THSD7B: variants seen among roughly 807,000 people sequenced by gnomAD.
THSD7B encodes the protein thrombospondin type 1 domain containing 7B.
In THSD7B, 138 loss-of-function variants were observed where a neutral mutation model predicts 213.6. The ratio of observed to expected loss-of-function variants is 0.65; its 90% CI spans 0.56 to 0.74. The LOEUF is 0.74. THSD7B is among the 30% of genes least tolerant of loss of function. The pLI is 0.00. For missense variants in THSD7B, 1,931 were observed against 1,991.5 expected, an observed-to-expected ratio of 0.97 and a Z score of 0.58; for synonymous variants, 742 against 687.0, an observed-to-expected ratio of 1.08 and a Z score of -1.25.
chr2:137,150,991 C>T (rs889551786), intron 5 of THSD7B, among the ~76,000 whole-genome samples: 4 of 152,086 alleles, frequency 2.6e-5, no homozygotes, highest in African/African-American at 4.8e-5. Context: ...GAATTGGGCT[C>T]GTAGGAGTCA....
chr2:136,909,950 C>G (rs1245192219), intron 2 of THSD7B, among the ~76,000 whole-genome samples: 1 of 152,032 alleles, frequency 6.6e-6, no homozygotes, highest in Admixed American at 6.6e-5. Flanking sequence ...GTGTAATAGC[C>G]TAGGAATGTG....
chr2:137,456,686 T>C (rs1244327599), intron 15 of THSD7B, among the ~76,000 whole-genome samples: 2 of 152,196 alleles, frequency 1.3e-5, no homozygotes, highest in African/African-American at 4.8e-5. Context: ...TGTTCTTACA[T>C]GCAGAGGGGA....
intron 15 of THSD7B, among the ~76,000 whole-genome samples, chr2:137,541,210 C>A (rs778273962): frequency 2.0e-5 from 3 of 151,428 alleles, no homozygotes; most frequent in African/African-American, 7.3e-5. Flanking sequence ...ATAGCAACAA[C>A]AACAAACTTT....
At chr2:137,039,504 A>G (rs1165748429) in intron 2 of THSD7B, among the ~76,000 whole-genome samples, 3 of 152,190 alleles carry the variant, frequency 2.0e-5, no homozygotes, top group African/African-American at 7.2e-5. Flanking sequence ...ACTCTTTACA[A>G]CAACTATCTG....
At chr2:137,224,527 G>A (rs576092433) in intron 7 of THSD7B, among the ~76,000 whole-genome samples, 1 of 152,186 alleles carries the variant, frequency 6.6e-6, no homozygotes, top group African/African-American at 2.4e-5. Flanking sequence ...GATTTACTTG[G>A]GGCAGAAACT....
intron 1 of THSD7B, among the ~76,000 whole-genome samples, chr2:136,829,942 A>G (rs1018815515): frequency 3.3e-5 from 5 of 151,736 alleles, no homozygotes; most frequent in Non-Finnish European, 7.4e-5. Flanking sequence ...TCTTTTTTAT[A>G]TTTTTATTAT....
intron 12 of THSD7B, among the ~76,000 whole-genome samples, chr2:137,374,736 C>T (rs1374698786): frequency 6.6e-6 from 1 of 152,190 alleles, no homozygotes; most frequent in Non-Finnish European, 1.5e-5. Flanking sequence ...CAGATTACAA[C>T]AATACACATA....
intron 12 of THSD7B, among the ~76,000 whole-genome samples, chr2:137,349,923 G>A (rs976752985): frequency 4.0e-5 from 6 of 151,740 alleles, no homozygotes; most frequent in East Asian, 1.9e-4. Flanking sequence ...ATTGTTAATC[G>A]TAATTTGCTA....
At chr2:137,563,467 C>A in intron 16 of THSD7B, 113 bp downstream of exon 16, 1 of 1,324,638 alleles carries the variant, frequency 7.5e-7, no homozygotes, top group African/African-American at 1.5e-5. Context: ...AACATATACT[C>A]TGGTTTTTTC....
chr2:137,352,718 C>T (rs899394664), intron 12 of THSD7B, among the ~76,000 whole-genome samples: 1 of 151,910 alleles, frequency 6.6e-6, no homozygotes, highest in African/African-American at 2.4e-5. Flanking sequence ...GTCAGTGCTC[C>T]AGTTAAAGGT....
intron 3 of THSD7B, among the ~76,000 whole-genome samples, chr2:137,083,320 A>C (rs192614729): frequency 6.6e-6 from 1 of 152,276 alleles, no homozygotes; most frequent in Admixed American, 6.5e-5. Flanking sequence ...CTTCCAGCTA[A>C]ACTTCTCAGT....
chr2:137,361,264 A>C (rs1685249804), intron 12 of THSD7B, among the ~76,000 whole-genome samples: 1 of 152,184 alleles, frequency 6.6e-6, no homozygotes, highest in African/African-American at 2.4e-5. Context: ...TAAAACCACA[A>C]AGATGGCGAG....
chr2:136,809,244 C>T (rs898374806), intron 1 of THSD7B, among the ~76,000 whole-genome samples: 1 of 152,080 alleles, frequency 6.6e-6, no homozygotes, highest in Non-Finnish European at 1.5e-5. Context: ...CCTTAGAAGA[C>T]AGTGAGCAGG....
rs566850333 is a variant in THSD7B, at chr2:137,512,812, A to G, written c.3139-50409A>G. Among the ~76,000 whole-genome samples the G allele has an allele frequency of 8.5e-5, 13 of 152,242 alleles. No homozygotes were observed. The South Asian group carries it at 2.7e-3, about 32-fold the overall frequency. On this transcript the variant is annotated intron_variant, in intron 15 of 27. Transcript: ENST00000409968. ...ACATGTAGTAATTCTTTTTATCCTC[A>G]CAGCTAATACTTACCCCCATGAGGC...
chr2:137,158,514 CT>C (rs2104982178), intron 5 of THSD7B, among the ~76,000 whole-genome samples: 1 of 152,236 alleles, frequency 6.6e-6, no homozygotes, highest in South Asian at 2.1e-4. Flanking sequence ...ATATCAAATC[CT>C]TTTGGTAAAC....
At chr2:137,004,448 T>C (rs542866051) in intron 2 of THSD7B, among the ~76,000 whole-genome samples, 155 of 152,330 alleles carry the variant, frequency 1.0e-3, no homozygotes, top group African/African-American at 3.6e-3. Flanking sequence ...TTGTTACTTA[T>C]GGGTTCATAG....
At chr2:136,941,724 T>C (rs529421792) in intron 2 of THSD7B, among the ~76,000 whole-genome samples, 84 of 152,336 alleles carry the variant, frequency 5.5e-4, no homozygotes, top group Non-Finnish European at 8.7e-4. Flanking sequence ...TTGTTTAAGT[T>C]CTTTGTAGAT....
chr2:137,400,682 G>C (rs993321686), intron 12 of THSD7B, among the ~76,000 whole-genome samples: 4 of 152,186 alleles, frequency 2.6e-5, no homozygotes, highest in Non-Finnish European at 4.4e-5. Flanking sequence ...GTAAAGGGCT[G>C]TGTGGGCTGG....
chr2:137,586,982 A>G (rs946958797), intron 17 of THSD7B, among the ~76,000 whole-genome samples: 1 of 152,186 alleles, frequency 6.6e-6, no homozygotes, highest in African/African-American at 2.4e-5. Flanking sequence ...CCAATCAGAC[A>G]TAGATTTGGT....
Sources: gnomAD v4.1 joint callset for allele counts (sites outside exome capture counted in the v4.1 genomes callset) on GRCh38, gnomAD v4.1.1 for gene constraint, MANE v1.5 for transcripts, NCBI Gene and HGNC (gene_info 2026-07-23, HGNC 2026-07-21) for gene names.